The following TBC1D7 variants were observed in gnomAD, a reference collection of about 807,000 sequenced individuals.
TBC1D7 encodes TBC domain family 7.
Under a neutral mutation model 35.3 loss-of-function variants are expected in TBC1D7, and 33 were observed. The observed-to-expected ratio is 0.93, with a 90% confidence interval of 0.71 to 1.25. The LOEUF (loss-of-function observed/expected upper bound fraction) is 1.25. TBC1D7 is among the 50% of genes most tolerant of loss of function. TBC1D7 has a pLI of 0.00. For synonymous variants in TBC1D7, 135 were observed against 129.5 expected, an observed-to-expected ratio of 1.04 and a Z score of -0.29; for missense variants, 362 against 365.3, an observed-to-expected ratio of 0.99 and a Z score of 0.07.
At chr6:13,309,443 A>G (rs146745021) in intron 5 of TBC1D7, among the ~76,000 whole-genome samples, 2 of 152,374 alleles carry the variant, frequency 1.3e-5, no homozygotes, top group East Asian at 1.9e-4. Context: ...CACTCAATAT[A>G]TAACTGTTGA....
chr6:13,313,579 C>A (rs1783385818), intron 5 of TBC1D7, among the ~76,000 whole-genome samples: 1 of 152,118 alleles, frequency 6.6e-6, no homozygotes, highest in South Asian at 2.1e-4. Context: ...ACACAGGGAG[C>A]CTGGACAAGG....
Position 13,306,099 on chromosome 6 carries a change from G to A in TBC1D7, c.795+299C>T, listed in dbSNP as rs3800486. ...TTAGGCCAAACTTTTTCAGGGAAAA[G>A]TGTTTCTTATAATGTAAAAATACAC... On this transcript the variant is annotated intron_variant, in intron 7 of 7. Transcript: ENST00000379300. 26,814 of 218,426 alleles carry A rather than the reference G, an allele frequency of 0.12. 1,928 individuals carry two copies. The highest frequency in any genetic ancestry group is 0.33 in the East Asian group (1,979 of 5,948). 13.5% of individuals were successfully genotyped at this position (218,426 alleles called of 1,614,324 possible). A position where few individuals can be genotyped will look rare whatever the true frequency, so the allele number is the denominator to read the frequency against.
chr6:13,321,991 C>CT (rs758578600), intron 3 of TBC1D7, among the ~76,000 whole-genome samples: 17 of 152,212 alleles, frequency 1.1e-4, no homozygotes, highest in Non-Finnish European at 2.2e-4. Context: ...AATCCCAGCA[C>CT]TTTGAGAGGC....
At chr6:13,310,714 AGTATCTCT>A (rs1347730972) in intron 5 of TBC1D7, among the ~76,000 whole-genome samples, 3 of 152,006 alleles carry the variant, frequency 2.0e-5, no homozygotes, top group Non-Finnish European at 4.4e-5. Flanking sequence ...GGGAATAAGG[AGTATCTCT>A]GTATACTAAT....
intron 3 of TBC1D7, among the ~76,000 whole-genome samples, chr6:13,324,088 T>C (rs893077816): frequency 1.3e-5 from 2 of 152,172 alleles, no homozygotes; most frequent in East Asian, 1.9e-4. Context: ...TACTCGCCAC[T>C]ATCTTACAGT....
chr6:13,316,216 A>G (rs1783599668), intron 5 of TBC1D7, among the ~76,000 whole-genome samples: 1 of 152,194 alleles, frequency 6.6e-6, no homozygotes, highest in Non-Finnish European at 1.5e-5. Context: ...CTTAACTTAC[A>G]CAGAGGGATT....
At chr6:13,324,656 A>C (rs1784283569) in intron 3 of TBC1D7, among the ~76,000 whole-genome samples, 1 of 152,172 alleles carries the variant, frequency 6.6e-6, no homozygotes, top group Non-Finnish European at 1.5e-5. Flanking sequence ...ACTTCTAGGG[A>C]GTAGTAAGTC....
At chr6:13,306,151 T>C in intron 7 of TBC1D7, 1 of 305,710 alleles carries the variant, frequency 3.3e-6, no homozygotes. Flanking sequence ...AATAATCTAA[T>C]GTAACAGGAA....
At chr6:13,319,829 T>C (rs1468051933) in intron 4 of TBC1D7, 1 of 152,176 alleles carries the variant, frequency 6.6e-6, no homozygotes, top group Non-Finnish European at 1.5e-5. Flanking sequence ...AGGAATAGGA[T>C]GTTTACATAG....
chr6:13,316,044 C>G (rs1353029072), intron 5 of TBC1D7, among the ~76,000 whole-genome samples: 1 of 152,238 alleles, frequency 6.6e-6, no homozygotes, highest in Non-Finnish European at 1.5e-5. Context: ...CAAGAGCAAC[C>G]TTGTGAGCAC....
intron 5 of TBC1D7, among the ~76,000 whole-genome samples, chr6:13,311,090 T>C (rs1031649897): frequency 8.5e-5 from 13 of 152,224 alleles, no homozygotes; most frequent in African/African-American, 2.7e-4. Context: ...ATGTACTTAA[T>C]CACTCTGAGA....
intron 5 of TBC1D7, among the ~76,000 whole-genome samples, chr6:13,311,706 G>A (rs892955886): frequency 3.3e-5 from 5 of 152,252 alleles, no homozygotes; most frequent in Non-Finnish European, 2.9e-5. Flanking sequence ...ATGAGGAAAC[G>A]AAAGTTTAAG....
intron 5 of TBC1D7, 134 bp downstream of exon 5, chr6:13,316,437 A>C: frequency 2.1e-6 from 2 of 962,558 alleles, no homozygotes; most frequent in Non-Finnish European, 3.0e-6. Context: ...GGACTTTTAC[A>C]GAAAACGCTT....
chr6:13,306,283 T>C (rs1782800961), intron 7 of TBC1D7, 115 bp downstream of exon 7: 3 of 854,850 alleles, frequency 3.5e-6, no homozygotes, highest in Non-Finnish European at 5.3e-6. Flanking sequence ...TTCTAAGGTA[T>C]TATTTCTCTA....
At chr6:13,314,745 A>G (rs923952637) in intron 5 of TBC1D7, among the ~76,000 whole-genome samples, 8 of 152,220 alleles carry the variant, frequency 5.3e-5, no homozygotes, top group Non-Finnish European at 1.0e-4. Flanking sequence ...GTGATCCTCA[A>G]TGCTCATCCA....
At chr6:13,306,553 AATT>A in intron 6 of TBC1D7, 26 bp from the exon 7 acceptor site, 1 of 1,537,216 alleles carries the variant, frequency 6.5e-7, no homozygotes, top group Non-Finnish European at 8.8e-7. Flanking sequence ...GATATAATCA[AATT>A]ATATGAGTTT....
At chr6:13,318,795 T>C (rs1269174491) in intron 4 of TBC1D7, 2 of 152,224 alleles carry the variant, frequency 1.3e-5, no homozygotes, top group Non-Finnish European at 2.9e-5. Context: ...TAGAGAAGAA[T>C]GCCAACTAAT....
At chr6:13,316,409 G>T (rs560098220) in intron 5 of TBC1D7, among the ~76,000 whole-genome samples, 162 bp downstream of exon 5, 1 of 152,114 alleles carries the variant, frequency 6.6e-6, no homozygotes, top group African/African-American at 2.4e-5. Context: ...CACCAAGCTG[G>T]AAATATTTAG....
At chr6:13,307,576 T>A (rs763123114) in intron 6 of TBC1D7, 24 bp downstream of exon 6, 3 of 1,613,048 alleles carry the variant, frequency 1.9e-6, no homozygotes, top group African/African-American at 2.7e-5. Context: ...AAGCCTTCAA[T>A]ATGTCTTCGA....
Sources: gnomAD v4.1 joint callset for allele counts (sites outside exome capture counted in the v4.1 genomes callset) on GRCh38, gnomAD v4.1.1 for gene constraint, MANE v1.5 for transcripts, NCBI Gene and HGNC (gene_info 2026-07-23, HGNC 2026-07-21) for gene names.